The following SLC2A9 variants were observed in gnomAD, a reference collection of about 807,000 sequenced individuals.
SLC2A9 encodes solute carrier family 2, facilitated glucose transporter member 9.
Under a neutral mutation model 50.6 loss-of-function variants are expected in SLC2A9, and 39 were observed. The ratio of observed to expected loss-of-function variants is 0.77; its 90% CI spans 0.60 to 1.01. The LOEUF is 1.01. SLC2A9 is among the 50% of genes least tolerant of loss of function. The pLI is 0.00. For missense variants in SLC2A9, 686 were observed against 677.6 expected (o/e 1.01, Z -0.14); for synonymous variants, 324 against 276.9 (o/e 1.17, Z -1.69).
chr4:9,880,206 T>C, intron 10 of SLC2A9: 1 of 985,484 alleles, frequency 1.0e-6, no homozygotes, highest in Non-Finnish European at 1.2e-6. Flanking sequence ...GTAAGTTCCC[T>C]GAGGCTTTAA....
At chr4:9,840,517 G>T (rs985634198) in intron 10 of SLC2A9, among the ~76,000 whole-genome samples, 2 of 152,014 alleles carry the variant, frequency 1.3e-5, no homozygotes, top group African/African-American at 4.8e-5. Context: ...ATTTTTTAAA[G>T]CATGCAACAT....
intron 2 of SLC2A9, among the ~76,000 whole-genome samples, chr4:10,002,036 T>A (rs1759922804): frequency 6.6e-6 from 1 of 152,234 alleles, no homozygotes; most frequent in Non-Finnish European, 1.5e-5. Flanking sequence ...AGGAGGATTC[T>A]CCAGCAGCAG....
chr4:9,946,076 G>T (rs1342389837), intron 5 of SLC2A9, among the ~76,000 whole-genome samples: 1 of 152,158 alleles, frequency 6.6e-6, no homozygotes, highest in Non-Finnish European at 1.5e-5. Flanking sequence ...TTGTGGTGTC[G>T]GTCCAGCCTG....
chr4:9,836,514 G>C (rs935908581), intron 10 of SLC2A9, among the ~76,000 whole-genome samples: 12 of 152,220 alleles, frequency 7.9e-5, no homozygotes, highest in African/African-American at 2.9e-4. Context: ...GGAGGGGCCA[G>C]CAGAGGTCCT....
At chr4:9,831,729 G>T (rs1322565164) in intron 11 of SLC2A9, among the ~76,000 whole-genome samples, 1 of 152,216 alleles carries the variant, frequency 6.6e-6, no homozygotes, top group African/African-American at 2.4e-5. Context: ...GGGCAAGCTG[G>T]CAGTGCAGCC....
chr4:10,013,771 C>T (rs1762163674), intron 2 of SLC2A9, among the ~76,000 whole-genome samples: 1 of 152,188 alleles, frequency 6.6e-6, no homozygotes, highest in Admixed American at 6.5e-5. Flanking sequence ...AAGCTGCCTG[C>T]CCTGAAGGTA....
At chr4:9,817,099 A>G (rs888488895) in intron 3 of SLC2A9, among the ~76,000 whole-genome samples, 20 of 151,794 alleles carry the variant, frequency 1.3e-4, no homozygotes, top group African/African-American at 4.4e-4. Flanking sequence ...TTCTAGTATC[A>G]CTTCCTTTCT....
chr4:9,831,017 G>A (rs549232489), intron 11 of SLC2A9, among the ~76,000 whole-genome samples: 2 of 152,310 alleles, frequency 1.3e-5, no homozygotes, highest in East Asian at 3.9e-4. Flanking sequence ...CTAATACATG[G>A]GCTTCAATAC....
At position 9,845,427 on chromosome 4, in the gene SLC2A9, C is replaced by CTTTTTTTTTTTTTTTTTTT. The variant is rs1175166447; in HGVS notation, c.1292-10438_1292-10420dup. On this transcript the variant is annotated intron_variant, in intron 10 of 11. Transcript: ENST00000264784. ...CCAATGGAACCACGATCATCAATTT[C>CTTTTTTTTTTTTTTTTTTT]TTTTTTTTTTTTTTTTTTTTGAGAC... Among the ~76,000 whole-genome samples the CTTTTTTTTTTTTTTTTTTT allele has an allele frequency of 1.2e-3, 127 of 108,672 alleles. 10 individuals carry two copies. The highest frequency in any genetic ancestry group is 2.5e-3 in the African/African-American group (61 of 24,532). The allele number at this position is 108,672 out of a possible 152,430, so 71.3% of individuals were successfully genotyped here. A position where few individuals can be genotyped will look rare whatever the true frequency, so the allele number is the denominator to read the frequency against.
intron 7 of SLC2A9, 29 bp from the exon 8 acceptor site, chr4:9,908,374 G>T: frequency 2.0e-6 from 3 of 1,475,216 alleles, no homozygotes; most frequent in Non-Finnish European, 2.9e-6. Flanking sequence ...TGAGCAGAGA[G>T]AATGGTCAGT....
intron 8 of SLC2A9, among the ~76,000 whole-genome samples, chr4:9,893,050 G>T (rs964916283): frequency 6.6e-6 from 1 of 152,160 alleles, no homozygotes; most frequent in African/African-American, 2.4e-5. Context: ...TCACATGGCT[G>T]GTAAGTGGCA....
intron 1 of SLC2A9, among the ~76,000 whole-genome samples, chr4:10,029,565 A>ATTTTAT (rs11396953): frequency 2.6e-4 from 29 of 110,182 alleles, no homozygotes; most frequent in African/African-American, 5.9e-4. Flanking sequence ...ATTTTATTTT[A>ATTTTAT]TTTATTTTAT....
At chr4:9,985,467 A>G (rs934104477) in intron 4 of SLC2A9, among the ~76,000 whole-genome samples, 3 of 152,144 alleles carry the variant, frequency 2.0e-5, no homozygotes, top group Non-Finnish European at 2.9e-5. Flanking sequence ...GCATTCCTCA[A>G]TTAGGGGCTA....
At chr4:9,842,347 T>TA (rs1728215631) in intron 10 of SLC2A9, among the ~76,000 whole-genome samples, 1 of 152,230 alleles carries the variant, frequency 6.6e-6, no homozygotes, top group Admixed American at 6.5e-5. Context: ...AATCCCTTCT[T>TA]ACAAAGGATT....
intron 10 of SLC2A9, among the ~76,000 whole-genome samples, chr4:9,867,194 A>G (rs1732631590): frequency 6.6e-6 from 1 of 152,256 alleles, no homozygotes; most frequent in Admixed American, 6.5e-5. Context: ...TTGCAAAAGT[A>G]CAAATTGAAA....
chr4:9,868,284 C>T lies in SLC2A9; in HGVS notation c.1291+19283G>A, dbSNP rs544641631. On this transcript the variant is annotated intron_variant, in intron 10 of 11. Coordinates refer to ENST00000264784, the MANE Select transcript of SLC2A9 (RefSeq NM_020041.3). ...CTCAGGAGTGTTCTGACCTCAGAGT[C>T]GCCTGGCAGTGCAGCCTGGTGCCTT... Among the ~76,000 whole-genome samples, 13 of 152,354 alleles carry T rather than the reference C, an allele frequency of 8.5e-5. No homozygotes were observed. In the East Asian group the frequency reaches 1.2e-3, roughly 14 times the overall value.
At chr4:9,810,725 C>G (rs1462921180) in intron 3 of SLC2A9, among the ~76,000 whole-genome samples, 1 of 152,228 alleles carries the variant, frequency 6.6e-6, no homozygotes, top group Non-Finnish European at 1.5e-5. Context: ...GGTTAACTGA[C>G]ATAAGTATTT....
chr4:9,961,848 C>A (rs971618042), intron 5 of SLC2A9, among the ~76,000 whole-genome samples: 1 of 152,110 alleles, frequency 6.6e-6, no homozygotes, highest in African/African-American at 2.4e-5. Flanking sequence ...CTAGAAGGAA[C>A]TTAAACAAAT....
At chr4:9,938,353 GCT>G (rs894776608) in intron 6 of SLC2A9, among the ~76,000 whole-genome samples, 2 of 147,020 alleles carry the variant, frequency 1.4e-5, no homozygotes, top group Non-Finnish European at 3.0e-5. Flanking sequence ...CTCACTGTAA[GCT>G]CTGCCTCCCA....
Sources: allele counts gnomAD v4.1 joint callset (sites outside exome capture counted in the v4.1 genomes callset), GRCh38; gene constraint gnomAD v4.1.1; transcripts MANE v1.5; gene names NCBI Gene and HGNC (gene_info 2026-07-23, HGNC 2026-07-21).